ZBTB38: variants seen among roughly 807,000 people sequenced by gnomAD.
ZBTB38 encodes the protein zinc finger and BTB domain containing 38.
A neutral mutation model predicts 76.8 loss-of-function variants in ZBTB38; 20 were observed. The ratio of observed to expected loss-of-function variants is 0.26; its 90% CI spans 0.18 to 0.38. The LOEUF (loss-of-function observed/expected upper bound fraction) is 0.38. ZBTB38 is among the 10% of genes least tolerant of loss of function. The pLI is 1.00. For synonymous variants in ZBTB38, 504 were observed against 544.2 expected (o/e 0.93, Z 1.03); for missense variants, 1,082 against 1,482.3 (o/e 0.73, Z 4.43).
At chr3:141,328,670 C>T (rs1011742690) in intron 1 of ZBTB38, among the ~76,000 whole-genome samples, 3 of 152,114 alleles carry the variant, frequency 2.0e-5, no homozygotes, top group Non-Finnish European at 4.4e-5. Context: ...CCACACAGAG[C>T]GTCTCTAAAA....
chr3:141,349,112 C>T (rs1943447509), intron 1 of ZBTB38, among the ~76,000 whole-genome samples: 1 of 152,134 alleles, frequency 6.6e-6, no homozygotes, highest in Non-Finnish European at 1.5e-5. Flanking sequence ...ACTTGGCAGC[C>T]AGACAGGCCC....
chr3:141,412,928 C>T (rs1011676551), intron 5 of ZBTB38, among the ~76,000 whole-genome samples: 2 of 152,186 alleles, frequency 1.3e-5, no homozygotes, highest in African/African-American at 2.4e-5. Context: ...GGTGGGCTTG[C>T]CGGACAGCTC....
At chr3:141,334,448 CCTTT>C (rs1218281557) in intron 1 of ZBTB38, among the ~76,000 whole-genome samples, 1 of 70,972 alleles carries the variant, frequency 1.4e-5, no homozygotes, top group Non-Finnish European at 3.2e-5. Context: ...TTCCTTCTTT[CCTTT>C]CTTCCTTCCT....
chr3:141,367,179 C>G (rs1944001123), upstream of ZBTB38: 1 of 152,326 alleles, frequency 6.6e-6, no homozygotes, highest in Admixed American at 6.5e-5. Flanking sequence ...GCCTTCTTGT[C>G]CACCCCAGAT....
At chr3:141,421,442 T>G (rs990731548) in intron 5 of ZBTB38, among the ~76,000 whole-genome samples, 2 of 152,090 alleles carry the variant, frequency 1.3e-5, no homozygotes, top group African/African-American at 4.8e-5. Context: ...TCTAGAAACT[T>G]CTTTTGGTCA....
intron 3 of ZBTB38, among the ~76,000 whole-genome samples, chr3:141,385,679 T>TGTGTGTGTGC (rs1491583991): frequency 2.1e-5 from 3 of 143,174 alleles, no homozygotes; most frequent in Admixed American, 7.1e-5. Context: ...TGTGTGTGTG[T>TGTGTGTGTGC]GCGCGTGTGT....
rs549283203 is a variant in ZBTB38 at position 141,398,804 on chromosome 3, T to C, written c.-105-5123T>C. Among the ~76,000 whole-genome samples the C allele has an allele frequency of 3.3e-5, 5 of 152,300 alleles. No individual in the cohort carries two copies. In the East Asian group the frequency reaches 9.6e-4, roughly 29 times the overall value. ...ACTAGACCACACCAACAAAGAACAA[T>C]AATTCCTTAATAACATCAAAACATC... On this transcript the variant is annotated intron_variant, in intron 4 of 5. Transcript: ENST00000321464.
At chr3:141,393,616 G>A (rs1436239763) in intron 4 of ZBTB38, among the ~76,000 whole-genome samples, 1 of 152,180 alleles carries the variant, frequency 6.6e-6, no homozygotes, top group Non-Finnish European at 1.5e-5. Context: ...GGAGCTGGCT[G>A]TAGATAGAGA....
chr3:141,362,811 G>C (rs774153149), intron 1 of ZBTB38, among the ~76,000 whole-genome samples: 31 of 152,262 alleles, frequency 2.0e-4, no homozygotes, highest in Middle Eastern at 6.8e-3. Context: ...TGTGATGTTT[G>C]AGAAATGCAA....
upstream of ZBTB38, chr3:141,366,245 G>C (rs2148971528): frequency 6.6e-6 from 1 of 152,222 alleles, no homozygotes; most frequent in East Asian, 1.9e-4. Context: ...TATCCTGATA[G>C]GATGCAGGGT....
rs142379900 is a variant in ZBTB38 at position 141,342,036 on chromosome 3, T to C, written c.-739+17580T>C. On this transcript the variant is annotated intron_variant, in intron 1 of 7. Coordinates refer to the ZBTB38 transcript ENST00000509842. ...AAATGGATGAAACAAGGCAAAATAG[T>C]AACAATGGGGCCGGGTACGGTGGCT... Among the ~76,000 whole-genome samples the C allele has an allele frequency of 5.4e-3, 821 of 152,218 alleles. 7 individuals carry two copies. The highest frequency in any genetic ancestry group is 0.018 in the African/African-American group (755 of 41,536).
intron 1 of ZBTB38, among the ~76,000 whole-genome samples, chr3:141,344,230 C>A (rs188019563): frequency 6.6e-6 from 1 of 152,336 alleles, no homozygotes; most frequent in East Asian, 1.9e-4. Context: ...ATGGGTCCCA[C>A]TGGGCTAAAA....
intron 5 of ZBTB38, among the ~76,000 whole-genome samples, chr3:141,431,200 G>A (rs933782044): frequency 6.6e-6 from 1 of 151,218 alleles, no homozygotes; most frequent in Admixed American, 6.6e-5. Flanking sequence ...GCAGGTGCCT[G>A]TAATCCCAGC....
At chr3:141,416,920 C>T (rs2074185340) in intron 5 of ZBTB38, among the ~76,000 whole-genome samples, 1 of 152,330 alleles carries the variant, frequency 6.6e-6, no homozygotes, top group Middle Eastern at 3.4e-3. Flanking sequence ...TGATTTTGGA[C>T]ATCTGGCTTC....
chr3:141,359,977 A>G (rs1383421491), intron 1 of ZBTB38, among the ~76,000 whole-genome samples: 1 of 152,194 alleles, frequency 6.6e-6, no homozygotes, highest in East Asian at 1.9e-4. Context: ...AGTTTTTCTT[A>G]TAAATTTGTC....
chr3:141,384,597 G>A (rs773083358), intron 3 of ZBTB38, among the ~76,000 whole-genome samples: 3 of 152,174 alleles, frequency 2.0e-5, no homozygotes, highest in Non-Finnish European at 4.4e-5. Context: ...ACAGATGACC[G>A]TATATTGAAT....
intron 1 of ZBTB38, among the ~76,000 whole-genome samples, chr3:141,335,146 G>T (rs1942979899): frequency 6.6e-6 from 1 of 152,240 alleles, no homozygotes; most frequent in African/African-American, 2.4e-5. Context: ...TCCCTGGAAA[G>T]GGTGCTTGGT....
chr3:141,421,096 G>C (rs1031906246), intron 5 of ZBTB38, among the ~76,000 whole-genome samples: 1 of 151,840 alleles, frequency 6.6e-6, no homozygotes, highest in Non-Finnish European at 1.5e-5. Flanking sequence ...CTTGCTGAGT[G>C]CTCATATACT....
chr3:141,330,615 T>C (rs113483418), intron 1 of ZBTB38, among the ~76,000 whole-genome samples: 260 of 152,366 alleles, frequency 1.7e-3, no homozygotes, highest in African/African-American at 4.8e-3. Context: ...CTTGCCACCC[T>C]GCCCAAATGC....
Sources: allele counts gnomAD v4.1 joint callset (sites outside exome capture counted in the v4.1 genomes callset), GRCh38; gene constraint gnomAD v4.1.1; transcripts MANE v1.5; gene names NCBI Gene and HGNC (gene_info 2026-07-23, HGNC 2026-07-21).